ANO3: variants seen among roughly 807,000 people sequenced by gnomAD.
The protein encoded by ANO3 is anoctamin 3, also known as anoctamin-3.
A neutral mutation model predicts 144.8 loss-of-function variants in ANO3; 99 were observed. The observed-to-expected ratio is 0.68, with a 90% CI of 0.58 to 0.81. The LOEUF is 0.81. Among genes scored for constraint, ANO3 ranks in the 30% least tolerant of loss-of-function variants. ANO3 has a pLI of 0.00. For synonymous variants in ANO3, 414 were observed against 392.6 expected, an observed-to-expected ratio of 1.05 and a Z score of -0.64; for missense variants, 905 against 1,202.2, an observed-to-expected ratio of 0.75 and a Z score of 3.66.
At chr11:26,432,116 G>C (rs1010854829) in intron 1 of ANO3, among the ~76,000 whole-genome samples, 1 of 152,008 alleles carries the variant, frequency 6.6e-6, no homozygotes, top group Admixed American at 6.6e-5. Context: ...GATGTGAGAT[G>C]GTATCTCATT....
rs1366244585 is a variant in ANO3 at position 26,624,459 on chromosome 11, C to T, written c.1837-3C>T. ...GTTCACTATGTATTCTCTTTTATTA[C>T]AGGCTTATGAAAAAATTGCTTACCT... On this transcript the variant is annotated splice_polypyrimidine_tract_variant and splice_region_variant and intron_variant, in intron 17 of 26. Transcript: ENST00000256737. 7 of 1,600,806 alleles carry T rather than the reference C, an allele frequency of 4.4e-6. 1 individual carries two copies. Among genetic ancestry groups the T allele is most frequent in the Middle Eastern group, 1.7e-4 (1 of 5,884 alleles).
chr11:26,616,361 G>A (rs939604932), intron 17 of ANO3, among the ~76,000 whole-genome samples: 2 of 151,150 alleles, frequency 1.3e-5, no homozygotes, highest in Admixed American at 1.3e-4. Flanking sequence ...GAATCACAAT[G>A]ACTTTTCATG....
chr11:26,449,132 G>C (rs12280286), intron 3 of ANO3, among the ~76,000 whole-genome samples: 30 of 152,050 alleles, frequency 2.0e-4, no homozygotes, highest in Non-Finnish European at 3.7e-4. Flanking sequence ...CTTTTCTCAC[G>C]AGCTGCAGAC....
intron 14 of ANO3, among the ~76,000 whole-genome samples, chr11:26,586,610 C>A (rs529841710): frequency 6.7e-6 from 1 of 150,256 alleles, no homozygotes; most frequent in Non-Finnish European, 1.5e-5. Flanking sequence ...TCACGCCATT[C>A]TCCTGCCTCA....
At chr11:26,277,509 T>A (rs12284822) in intron 1 of ANO3, among the ~76,000 whole-genome samples, 4,488 of 152,148 alleles carry the variant, frequency 0.029, 212 homozygotes, top group African/African-American at 0.1. Context: ...AATAAAACTT[T>A]CACAATTTGT....
chr11:26,316,327 G>A (rs1170164486), intron 1 of ANO3, among the ~76,000 whole-genome samples: 1 of 152,134 alleles, frequency 6.6e-6, no homozygotes, highest in Admixed American at 6.6e-5. Context: ...GGTTAGTGAG[G>A]GATTTAGGGT....
At chr11:26,502,816 T>G (rs996585173) in intron 4 of ANO3, among the ~76,000 whole-genome samples, 6 of 147,892 alleles carry the variant, frequency 4.1e-5, no homozygotes, top group Non-Finnish European at 5.9e-5. Flanking sequence ...TGTTAAATGA[T>G]GCTTGTTAGA....
chr11:26,337,131 T>C (rs1447126358), intron 1 of ANO3, among the ~76,000 whole-genome samples: 2 of 152,094 alleles, frequency 1.3e-5, no homozygotes, highest in East Asian at 3.9e-4. Flanking sequence ...AGCCAAACTA[T>C]AAAAAGAATA....
intron 1 of ANO3, among the ~76,000 whole-genome samples, chr11:26,299,693 C>A (rs1854178397): frequency 6.6e-6 from 1 of 152,082 alleles, no homozygotes; most frequent in South Asian, 2.1e-4. Context: ...CTGGACTTGA[C>A]TCTGTAGGGA....
chr11:26,490,428 A>T (rs934598725), intron 4 of ANO3, among the ~76,000 whole-genome samples: 1 of 152,238 alleles, frequency 6.6e-6, no homozygotes, highest in African/African-American at 2.4e-5. Context: ...ATACCAAAGT[A>T]GACTGCCAAG....
intron 17 of ANO3, among the ~76,000 whole-genome samples, chr11:26,615,983 A>G (rs1265210970): frequency 2.0e-5 from 3 of 152,164 alleles, no homozygotes; most frequent in Non-Finnish European, 4.4e-5. Context: ...TTGTCTTTCT[A>G]TCAAATATGT....
chr11:26,486,524 G>A lies in ANO3; in HGVS notation c.433-21580G>A, dbSNP rs528710549. ...TCAGAAACTGTAAGTGCTCTTTGGC[G>A]TGATCAAAACATTTATATGTTTGTA... On this transcript the variant is annotated intron_variant, in intron 4 of 26. Transcript: ENST00000256737. Among the ~76,000 whole-genome samples the A allele has an allele frequency of 1.2e-4, 18 of 152,166 alleles. No homozygotes were observed. The South Asian group carries it at 1.7e-3, about 14-fold the overall frequency.
intron 24 of ANO3, among the ~76,000 whole-genome samples, chr11:26,648,703 G>A (rs995312564): frequency 8.5e-5 from 13 of 152,184 alleles, no homozygotes; most frequent in African/African-American, 3.1e-4. Flanking sequence ...GAGGGCATTG[G>A]ATTTGAGGAA....
intron 1 of ANO3, among the ~76,000 whole-genome samples, chr11:26,211,858 A>G (rs1433089670): frequency 1.3e-5 from 2 of 152,210 alleles, no homozygotes; most frequent in African/African-American, 2.4e-5. Context: ...TGGCACATAT[A>G]CACCATGGAA....
At chr11:26,278,405 G>A (rs975205696) in intron 1 of ANO3, among the ~76,000 whole-genome samples, 1 of 152,114 alleles carries the variant, frequency 6.6e-6, no homozygotes, top group Non-Finnish European at 1.5e-5. Context: ...TAGTGGTGTT[G>A]AGAATACAAA....
At chr11:26,390,213 T>C (rs1004109210) in intron 1 of ANO3, among the ~76,000 whole-genome samples, 1 of 152,260 alleles carries the variant, frequency 6.6e-6, no homozygotes, top group Non-Finnish European at 1.5e-5. Context: ...TTAGTGAAGC[T>C]TTACAAAACT....
intron 3 of ANO3, among the ~76,000 whole-genome samples, chr11:26,445,681 C>A (rs1273031466): frequency 6.6e-6 from 1 of 151,876 alleles, no homozygotes; most frequent in African/African-American, 2.4e-5. Context: ...GAGGTGTTTG[C>A]CTTTATAATG....
chr11:26,333,228 C>T (rs1241722326), intron 1 of ANO3, among the ~76,000 whole-genome samples: 1 of 151,962 alleles, frequency 6.6e-6, no homozygotes, highest in African/African-American at 2.4e-5. Flanking sequence ...CATCCCCACC[C>T]TCCAGATATT....
At chr11:26,277,582 T>A (rs1399506311) in intron 1 of ANO3, among the ~76,000 whole-genome samples, 2 of 152,062 alleles carry the variant, frequency 1.3e-5, no homozygotes, top group African/African-American at 4.8e-5. Context: ...CTAGCCAAAT[T>A]GAACTGCGCT....
Sources: allele counts gnomAD v4.1 joint callset (sites outside exome capture counted in the v4.1 genomes callset), GRCh38; gene constraint gnomAD v4.1.1; transcripts MANE v1.5; gene names NCBI Gene and HGNC (gene_info 2026-07-23, HGNC 2026-07-21).